Variants in FBXO10 observed in about 807,000 individuals in gnomAD.
The protein encoded by FBXO10 is F-box only protein 10.
Under a neutral mutation model 80.7 loss-of-function variants are expected in FBXO10, and 39 were observed. That is an observed-to-expected ratio of 0.48 (90% CI 0.37 to 0.63). The LOEUF is 0.63. Ranked by LOEUF, FBXO10 falls within the 30% of genes least tolerant of loss-of-function variation. The probability of loss-of-function intolerance (pLI) is 0.00; values close to 1 mark genes in which losing one functional copy is unlikely to be tolerated. For missense variants in FBXO10, 1,025 were observed against 1,269.0 expected (o/e 0.81, Z 2.92); for synonymous variants, 449 against 489.6 (o/e 0.92, Z 1.09).
rs139081908 is a variant in FBXO10 at position 37,523,324 on chromosome 9, T to C, written c.1778-347A>G. ...CAGTACTTTAGGAGGCCAAGGCGGG[T>C]AGATCACTTGAGCCCAGGAGTTCCA... On this transcript the variant is annotated intron_variant, in intron 6 of 10. Coordinates refer to ENST00000432825, the MANE Select transcript of FBXO10 (RefSeq NM_012166.3). 5.5e-3 allele frequency among the ~76,000 whole-genome samples: 832 copies of C among 150,784 alleles called. 11 individuals carry two copies. The highest frequency in any genetic ancestry group is 0.019 in the African/African-American group (783 of 41,056).
At chr9:37,513,283 G>T (rs1453485409) in intron 10 of FBXO10, among the ~76,000 whole-genome samples, 1 of 152,180 alleles carries the variant, frequency 6.6e-6, no homozygotes, top group African/African-American at 2.4e-5. Flanking sequence ...ATAGGTGTGT[G>T]CCACGGTGCC....
chr9:37,514,963 G>A (rs1821148802), intron 10 of FBXO10: 1 of 152,240 alleles, frequency 6.6e-6, no homozygotes, highest in African/African-American at 2.4e-5. Flanking sequence ...TCCATGAGAG[G>A]TTTTAAACCA....
At chr9:37,553,645 C>A (rs1001709614) in intron 1 of FBXO10, among the ~76,000 whole-genome samples, 1 of 151,632 alleles carries the variant, frequency 6.6e-6, no homozygotes, top group Non-Finnish European at 1.5e-5. Context: ...GTGGCTCATG[C>A]CTGGAATCCC....
intron 1 of FBXO10, among the ~76,000 whole-genome samples, chr9:37,564,361 G>GC (rs1822554720): frequency 6.6e-6 from 1 of 152,110 alleles, no homozygotes; most frequent in Non-Finnish European, 1.5e-5. Context: ...TGGGGTCGGG[G>GC]CCCCCACACA....
At chr9:37,554,521 G>A (rs1255631300) in intron 1 of FBXO10, among the ~76,000 whole-genome samples, 1 of 152,038 alleles carries the variant, frequency 6.6e-6, no homozygotes, top group Non-Finnish European at 1.5e-5. Flanking sequence ...ACCAAGAAAT[G>A]GAATACTCCA....
intron 1 of FBXO10, among the ~76,000 whole-genome samples, chr9:37,562,783 T>C (rs1276356435): frequency 1.3e-5 from 2 of 152,210 alleles, no homozygotes; most frequent in Non-Finnish European, 2.9e-5. Flanking sequence ...CAAGTATGTA[T>C]TCAACACTTG....
chr9:37,530,559 T>C (rs1025788360), intron 4 of FBXO10, among the ~76,000 whole-genome samples: 2 of 152,242 alleles, frequency 1.3e-5, no homozygotes, highest in African/African-American at 4.8e-5. Flanking sequence ...ACCAGCTGCA[T>C]GGTAGAAACA....
intron 1 of FBXO10, among the ~76,000 whole-genome samples, chr9:37,545,774 T>C (rs952486464): frequency 1.3e-5 from 2 of 152,226 alleles, no homozygotes; most frequent in African/African-American, 4.8e-5. Flanking sequence ...CTTCCTGCCA[T>C]AAACAACTAT....
Position 37,541,787 on chromosome 9 carries a change from CACAAA to C in FBXO10, c.-6-18_-6-14del. ...CCTCCATGGTCACCTAGGAGACAGA[CACAAA>C]ACAAAAGAGATTTCTGTCTATCCTA... On this transcript the variant is annotated splice_polypyrimidine_tract_variant and intron_variant, in intron 1 of 10. Transcript: ENST00000432825. The C allele has an allele frequency of 6.4e-7, 1 of 1,550,942 alleles. No homozygotes were observed. Among genetic ancestry groups the C allele is most frequent in the Non-Finnish European group, 8.7e-7 (1 of 1,147,762 alleles).
At chr9:37,546,533 C>A (rs1822060459) in intron 1 of FBXO10, among the ~76,000 whole-genome samples, 1 of 152,058 alleles carries the variant, frequency 6.6e-6, no homozygotes, top group Non-Finnish European at 1.5e-5. Context: ...ATCTATTAAG[C>A]CTTATTATGT....
intron 1 of FBXO10, among the ~76,000 whole-genome samples, chr9:37,550,955 T>C (rs1263493056): frequency 6.6e-6 from 1 of 152,202 alleles, no homozygotes; most frequent in Non-Finnish European, 1.5e-5. Context: ...CAGATATGGA[T>C]GACAGTCAAG....
chr9:37,513,592 T>A (rs1178208475), intron 10 of FBXO10, among the ~76,000 whole-genome samples: 1 of 151,722 alleles, frequency 6.6e-6, no homozygotes, highest in Non-Finnish European at 1.5e-5. Flanking sequence ...TTTTAATATA[T>A]ATATATATTT....
Position 37,529,200 on chromosome 9 carries a change from T to C in FBXO10, c.1630A>G (p.Ile544Val), listed in dbSNP as rs770339528. The stretch of plus-strand genomic sequence containing the variant: ...GAAAAGATTTGATTGTTCCGGATGA[T>C]GCCTTTCCCATTGCCAAGGACGACA... The part of the protein sequence containing the change: ...GIVVLGNGKG[I>V]IRNNQIFSNK... Residue 544 changes from isoleucine (I) to valine (V), a missense_variant, in exon 5 of 11, where the codon ATC (isoleucine) becomes GTC (valine). Transcript: ENST00000432825. 6 of 1,613,760 alleles carry C rather than the reference T, an allele frequency of 3.7e-6. No individual in the cohort carries two copies. The highest frequency in any genetic ancestry group is 5.1e-6 in the Non-Finnish European group (6 of 1,179,802).
chr9:37,541,517 T>C lies in FBXO10; in HGVS notation c.252A>G (p.Thr84=), dbSNP rs747039257. The change falls in exon 2 of 11, where the codon ACA becomes ACG. Residue 84 remains threonine (T), a synonymous_variant. Coordinates refer to ENST00000432825, the MANE Select transcript of FBXO10 (RefSeq NM_012166.3). ...AFKQHYLASK[T]WTKNALDLES... ...CCAAGTCCAAGGCATTCTTGGTCCA[T>C]GTCTTGGATGCAAGGTAATGCTGCT... 6.2e-6 allele frequency: 10 copies of C among 1,613,942 alleles called. No individual in the cohort carries two copies. The African/African-American group carries it at 1.3e-4, about 22-fold the overall frequency.
chr9:37,519,752 G>A (rs111849593), intron 8 of FBXO10, among the ~76,000 whole-genome samples: 1 of 152,188 alleles, frequency 6.6e-6, no homozygotes, highest in African/African-American at 2.4e-5. Flanking sequence ...GGGGCTGCTG[G>A]TTATCCATCT....
In FBXO10 at chr9:37,537,952, T is replaced by C. The variant is rs1245569961; in HGVS notation, c.586-9A>G. The C allele has an allele frequency of 3.7e-6, 6 of 1,608,690 alleles. No homozygotes were observed. The highest frequency in any genetic ancestry group is 5.1e-6 in the Non-Finnish European group (6 of 1,176,016). Reference sequence around the variant, plus strand: ...ACGTGACCTGATGTTGTCTGGGGAATGAAAAGAAGAAAACGGCTGTAAGAG... The same window carrying C: ...ACGTGACCTGATGTTGTCTGGGGAACGAAAAGAAGAAAACGGCTGTAAGAG... On this transcript the variant is annotated splice_polypyrimidine_tract_variant and intron_variant, in intron 2 of 10. Transcript: ENST00000432825.
intron 1 of FBXO10, among the ~76,000 whole-genome samples, chr9:37,573,205 TAAG>T (rs1378561795): frequency 2.6e-5 from 4 of 152,118 alleles, no homozygotes; most frequent in Non-Finnish European, 4.4e-5. Context: ...CAAACTCTGA[TAAG>T]AAGTTTGAAA....
chr9:37,557,312 C>T (rs879768681), intron 1 of FBXO10, among the ~76,000 whole-genome samples: 3 of 152,340 alleles, frequency 2.0e-5, no homozygotes, highest in Admixed American at 1.3e-4. Flanking sequence ...CATATCCTTG[C>T]ACTCTACATC....
chr9:37,552,353 C>A (rs1187576519), intron 1 of FBXO10, among the ~76,000 whole-genome samples: 1 of 152,204 alleles, frequency 6.6e-6, no homozygotes, highest in East Asian at 1.9e-4. Context: ...TTAGTGCAAC[C>A]ATGTCGGAAT....
Sources: gnomAD v4.1 joint callset for allele counts (sites outside exome capture counted in the v4.1 genomes callset) on GRCh38, gnomAD v4.1.1 for gene constraint, MANE v1.5 for transcripts, NCBI Gene and HGNC (gene_info 2026-07-23, HGNC 2026-07-21) for gene names.